DCTD: variants seen among roughly 807,000 people sequenced by gnomAD.
DCTD encodes deoxycytidylate deaminase.
DCTD carries 23 observed loss-of-function variants against 21.0 expected under a neutral mutation model. That is an observed-to-expected ratio of 1.09 (90% CI 0.79 to 1.55). DCTD has a LOEUF of 1.55. Ranked by LOEUF, DCTD falls within the 40% of genes most tolerant of loss-of-function variation. The probability of loss-of-function intolerance (pLI) is 0.00; values close to 1 mark genes in which losing one functional copy is unlikely to be tolerated. For missense variants in DCTD, 224 were observed against 230.0 expected (o/e 0.97, Z 0.17); for synonymous variants, 71 against 81.1 (o/e 0.88, Z 0.67).
intron 3 of DCTD, among the ~76,000 whole-genome samples, chr4:182,912,597 C>T (rs1018150404): frequency 6.6e-6 from 1 of 152,124 alleles, no homozygotes; most frequent in African/African-American, 2.4e-5. Flanking sequence ...GGACAAATAC[C>T]TATGCAGGTT....
intron 3 of DCTD, among the ~76,000 whole-genome samples, chr4:182,908,342 T>C (rs1319260051): frequency 6.6e-6 from 1 of 152,198 alleles, no homozygotes; most frequent in Non-Finnish European, 1.5e-5. Flanking sequence ...AACCACACTG[T>C]ACAGCAATCC....
intron 3 of DCTD, among the ~76,000 whole-genome samples, chr4:182,912,172 C>T (rs1737814477): frequency 1.3e-5 from 2 of 150,824 alleles, no homozygotes; most frequent in Non-Finnish European, 3.0e-5. Flanking sequence ...AAAGACTTTG[C>T]ATTTGAGTCA....
intron 3 of DCTD, among the ~76,000 whole-genome samples, chr4:182,908,911 G>C (rs1289668996): frequency 1.3e-5 from 2 of 152,090 alleles, no homozygotes; most frequent in East Asian, 3.9e-4. Flanking sequence ...GGGAACCCTG[G>C]AACCACTACT....
chr4:182,916,551 A>C (rs920923418), intron 1 of DCTD: 1 of 988,424 alleles, frequency 1.0e-6, no homozygotes, highest in Non-Finnish European at 1.2e-6. Context: ...TAAGACAAGG[A>C]TGCAGTGGAG....
intron 3 of DCTD, among the ~76,000 whole-genome samples, chr4:182,911,926 T>C (rs754975969): frequency 5.9e-5 from 9 of 152,172 alleles, no homozygotes; most frequent in Admixed American, 3.9e-4. Flanking sequence ...TTTTTCAGCA[T>C]TTAAAAGAGG....
In DCTD at chr4:182,913,644, T is replaced by C. The variant is rs185758704; in HGVS notation, c.244+1279A>G. ...CACGCCTTGGCCTGAAGACACAATC[T>C]TTCCCATTTGGATGGCCTTACTCTC... is the stretch of plus-strand genomic sequence containing the variant. On this transcript the variant is annotated intron_variant, in intron 3 of 5. Coordinates refer to ENST00000438320, the MANE Select transcript of DCTD (RefSeq NM_001921.3). Among the ~76,000 whole-genome samples the C allele has an allele frequency of 5.3e-5, 8 of 152,348 alleles. No homozygotes were observed. The East Asian group carries it at 9.6e-4, about 18-fold the overall frequency.
At chr4:182,904,689 C>T (rs72687819) in intron 3 of DCTD, among the ~76,000 whole-genome samples, 27,652 of 152,068 alleles carry the variant, frequency 0.18, 3,215 homozygotes, top group Non-Finnish European at 0.27. Context: ...TCTCCCACCC[C>T]ACACAATCAG....
Position 182,894,490 on chromosome 4 carries a change from T to A in DCTD, c.360A>T (p.Ala120=), listed in dbSNP as rs1188234788. Residue 120 remains alanine (A), a splice_region_variant and synonymous_variant, in exon 4 of 6, where the codon GCA becomes GCT. Coordinates refer to ENST00000438320, the MANE Select transcript of DCTD (RefSeq NM_001921.3). ...CAAATGGAAAGACCCGGTTCCTACC[T>A]GCCTGGATGATGAGCTTAGCGCATT... is the stretch of plus-strand genomic sequence containing the variant. ...CNECAKLIIQ[A]GIKEVIFMSD... 2 of 1,598,544 alleles carry A rather than the reference T, an allele frequency of 1.3e-6. No homozygotes were observed. Among genetic ancestry groups the A allele is most frequent in the African/African-American group, 2.7e-5 (2 of 74,516 alleles).
At chr4:182,893,737 T>C (rs1734230091) in intron 4 of DCTD, among the ~76,000 whole-genome samples, 1 of 152,230 alleles carries the variant, frequency 6.6e-6, no homozygotes, top group African/African-American at 2.4e-5. Context: ...CCTCCACACC[T>C]GGGCACCGCG....
At chr4:182,903,077 A>G (rs910269923) in intron 3 of DCTD, among the ~76,000 whole-genome samples, 3 of 151,982 alleles carry the variant, frequency 2.0e-5, no homozygotes, top group Non-Finnish European at 2.9e-5. Flanking sequence ...GAATAACGAC[A>G]CCCGCCCCTT....
chr4:182,891,427 T>C lies in DCTD; in HGVS notation c.509A>G (p.Asn170Ser), dbSNP rs1733723734. 3.7e-6 allele frequency: 6 copies of C among 1,612,536 alleles called. No homozygotes were observed. Among genetic ancestry groups the C allele is most frequent in the Non-Finnish European group, 5.1e-6 (6 of 1,178,572 alleles). The change falls in exon 6 of 6, where the codon AAC becomes AGC. Residue 170 changes from asparagine to serine, a missense_variant. Asn to Ser is a conservative substitution (Grantham distance 46). Coordinates refer to ENST00000438320, the MANE Select transcript of DCTD (RefSeq NM_001921.3). ...CTGAAGCTTTTGACTCGGTCTGCTG[T>C]TAATTGAATCAAAGTCAATGACAAT... ...SKIVIDFDSI[N>S]SRPSQKLQ
chr4:182,911,254 A>G (rs1371279661), intron 3 of DCTD: 2 of 152,188 alleles, frequency 1.3e-5, no homozygotes, highest in African/African-American at 4.8e-5. Context: ...AATCCCATTC[A>G]GGAGAGCTCC....
chr4:182,897,169 G>A (rs1174988527), intron 3 of DCTD, among the ~76,000 whole-genome samples: 1 of 152,062 alleles, frequency 6.6e-6, no homozygotes, highest in Non-Finnish European at 1.5e-5. Context: ...AGATTCTCTT[G>A]GGCAGCATCT....
chr4:182,909,996 ATCCTTTT>A (rs1737387528), intron 3 of DCTD, among the ~76,000 whole-genome samples: 1 of 152,160 alleles, frequency 6.6e-6, no homozygotes, highest in Admixed American at 6.5e-5. Flanking sequence ...CCAGCATTAC[ATCCTTTT>A]TAGAGTATCC....
rs1207737752 is a variant in DCTD, at chr4:182,917,282, G to C, written c.-8+29C>G. The C allele has an allele frequency of 4.8e-6, 5 of 1,046,040 alleles. No homozygotes were observed. The highest frequency in any genetic ancestry group is 1.7e-5 in the African/African-American group (1 of 58,398). 64.8% of individuals were successfully genotyped at this position (1,046,040 alleles called of 1,614,324 possible). A position where few individuals can be genotyped will look rare whatever the true frequency, so the allele number is the denominator to read the frequency against. On this transcript the variant is annotated intron_variant, in intron 1 of 5. Coordinates refer to ENST00000438320, the MANE Select transcript of DCTD (RefSeq NM_001921.3). The surrounding 1 kb of genome is among the most constrained non-coding windows in gnomAD (Gnocchi z 4.9). Reference sequence around the variant, plus strand: ...GGCGGTGGCTAGGGGCGCGCGGGCCGCGTACCCGCACGGCTGGCCCCCGCC... The same window carrying C: ...GGCGGTGGCTAGGGGCGCGCGGGCCCCGTACCCGCACGGCTGGCCCCCGCC...
At chr4:182,912,340 C>T (rs1737851244) in intron 3 of DCTD, among the ~76,000 whole-genome samples, 1 of 151,204 alleles carries the variant, frequency 6.6e-6, no homozygotes, top group Non-Finnish European at 1.5e-5. Flanking sequence ...GGCAGTAATA[C>T]TAAATGCCTT....
chr4:182,899,357 T>C (rs939986264), intron 3 of DCTD, among the ~76,000 whole-genome samples: 2 of 152,144 alleles, frequency 1.3e-5, no homozygotes, highest in East Asian at 3.8e-4. Flanking sequence ...AGGTAAAATA[T>C]TGGTCTTTGA....
intron 3 of DCTD, among the ~76,000 whole-genome samples, chr4:182,899,203 G>A (rs1735270459): frequency 6.6e-6 from 1 of 152,032 alleles, no homozygotes; most frequent in African/African-American, 2.4e-5. Flanking sequence ...GGTCTCTTCT[G>A]GCCTGGAACC....
Position 182,908,703 on chromosome 4 carries a change from A to AG in DCTD, c.244+6219_244+6220insC, listed in dbSNP as rs1554052399. ...GTCTCAAAAAAAAAAAAAAAAAAAAAAAGAAGAAGAAGAAGAAGAAGAAAT... is the reference window on the plus strand; with the variant it reads ...GTCTCAAAAAAAAAAAAAAAAAAAAAGAAGAAGAAGAAGAAGAAGAAGAAAT... On this transcript the variant is annotated intron_variant, in intron 3 of 5. Transcript: ENST00000438320. 6.6e-3 allele frequency among the ~76,000 whole-genome samples: 891 copies of AG among 134,510 alleles called. 3 individuals are homozygous for AG. Among genetic ancestry groups the AG allele is most frequent in the African/African-American group, 0.024 (839 of 35,164 alleles). 88.2% of individuals were successfully genotyped at this position (134,510 alleles called of 152,430 possible). A position where few individuals can be genotyped will look rare whatever the true frequency, so the allele number is the denominator to read the frequency against.
Sources: gnomAD v4.1 joint callset for allele counts (sites outside exome capture counted in the v4.1 genomes callset) on GRCh38, gnomAD v4.1.1 for gene constraint, Gnocchi (gnomAD v3.1) non-coding constraint, MANE v1.5 for transcripts, NCBI Gene and HGNC (gene_info 2026-07-23, HGNC 2026-07-21) for gene names.